Variants in PPP2R5A observed in about 807,000 individuals in gnomAD.
PPP2R5A encodes serine/threonine-protein phosphatase 2A 56 kDa regulatory subunit alpha isoform.
PPP2R5A carries 25 observed loss-of-function variants against 64.2 expected under a neutral mutation model. The observed-to-expected ratio is 0.39, with a 90% confidence interval of 0.28 to 0.54. The LOEUF (loss-of-function observed/expected upper bound fraction) is 0.54. PPP2R5A is among the 20% of genes least tolerant of loss of function. The probability of loss-of-function intolerance (pLI) is 0.67; values close to 1 mark genes in which losing one functional copy is unlikely to be tolerated. For missense variants in PPP2R5A, 425 were observed against 576.3 expected (o/e 0.74, Z 2.69); for synonymous variants, 198 against 201.2 (o/e 0.98, Z 0.13).
At chr1:212,313,967 T>A (rs1459892821) in intron 1 of PPP2R5A, among the ~76,000 whole-genome samples, 2 of 152,228 alleles carry the variant, frequency 1.3e-5, no homozygotes, top group Non-Finnish European at 2.9e-5. Context: ...TTGTATAGAT[T>A]CATTGGGGGA....
chr1:212,286,417 T>G, intron 1 of PPP2R5A, 126 bp downstream of exon 1: 1 of 1,049,860 alleles, frequency 9.5e-7, no homozygotes, highest in Non-Finnish European at 1.3e-6. Context: ...GTGAGCCGAG[T>G]TCCCCACAAT....
intron 8 of PPP2R5A, among the ~76,000 whole-genome samples, chr1:212,354,504 C>T (rs939762548): frequency 6.6e-6 from 1 of 151,834 alleles, no homozygotes; most frequent in African/African-American, 2.4e-5. Flanking sequence ...CAGAGCAAGA[C>T]CTCGTTTCTA....
chr1:212,328,816 T>TGG (rs1659451037), intron 1 of PPP2R5A, among the ~76,000 whole-genome samples: 4 of 152,126 alleles, frequency 2.6e-5, no homozygotes, highest in Non-Finnish European at 4.4e-5. Context: ...ATTAGCTGGA[T>TGG]ATGGTGGCAC....
intron 8 of PPP2R5A, among the ~76,000 whole-genome samples, chr1:212,352,312 A>G (rs1433857420): frequency 1.3e-5 from 2 of 151,448 alleles, no homozygotes; most frequent in African/African-American, 4.9e-5. Context: ...TACAGTTGTA[A>G]GCCACTGCAC....
At chr1:212,360,345 T>C (rs1410976748) in intron 12 of PPP2R5A, among the ~76,000 whole-genome samples, 1 of 152,180 alleles carries the variant, frequency 6.6e-6, no homozygotes, top group Non-Finnish European at 1.5e-5. Context: ...GTGAGAAAAT[T>C]GACGTGTAAG....
In PPP2R5A at chr1:212,347,414, A is replaced by C; in HGVS notation, c.764+8A>C. The C allele has an allele frequency of 6.3e-7, 1 of 1,582,524 alleles. No homozygotes were observed. The highest frequency in any genetic ancestry group is 1.1e-5 in the South Asian group (1 of 88,724). The stretch of plus-strand genomic sequence containing the variant: ...TCTTGAAATATTAGGAAGGTAGGTC[A>C]GGTTTTTTTGTTCTTTTTAAGAATT... On this transcript the variant is annotated splice_region_variant and intron_variant, in intron 6 of 12. Transcript: ENST00000261461.
chr1:212,302,546 A>G (rs1159234063), intron 1 of PPP2R5A, among the ~76,000 whole-genome samples: 1 of 152,182 alleles, frequency 6.6e-6, no homozygotes, highest in Non-Finnish European at 1.5e-5. Context: ...TGTTTTGGGT[A>G]TTTGATTTGA....
At chr1:212,317,468 C>T (rs991311538) in intron 1 of PPP2R5A, among the ~76,000 whole-genome samples, 1 of 145,130 alleles carries the variant, frequency 6.9e-6, no homozygotes, top group Non-Finnish European at 1.5e-5. Flanking sequence ...ACTTCACATA[C>T]TGTAAAGCAG....
intron 1 of PPP2R5A, among the ~76,000 whole-genome samples, chr1:212,319,195 C>T (rs528788101): frequency 6.6e-6 from 1 of 152,332 alleles, no homozygotes; most frequent in South Asian, 2.1e-4. Context: ...GAGCAAACTA[C>T]TGTGTTGTAG....
chr1:212,290,430 A>T (rs1199346738), intron 1 of PPP2R5A, among the ~76,000 whole-genome samples: 1 of 152,218 alleles, frequency 6.6e-6, no homozygotes. Context: ...TCATCTGAAG[A>T]TGTTAAGAAA....
chr1:212,305,062 G>A (rs1212624464), intron 1 of PPP2R5A, among the ~76,000 whole-genome samples: 27 of 119,578 alleles, frequency 2.3e-4, no homozygotes, highest in African/African-American at 3.6e-4. Context: ...TTTTTGAGAC[G>A]GAGTCTCGCT....
In PPP2R5A at chr1:212,286,269, G is replaced by A. The variant is rs750698029; in HGVS notation, c.159G>A (p.Leu53=). 2 of 1,532,210 alleles carry A rather than the reference G, an allele frequency of 1.3e-6. No individual in the cohort carries two copies. Among genetic ancestry groups the A allele is most frequent in the South Asian group, 2.4e-5 (2 of 82,900 alleles). 94.9% of individuals were successfully genotyped at this position (1,532,210 alleles called of 1,614,324 possible). ...GCAGCCAGGGCAGCCAGGCAGAGCT[G>A]CACCCGCTGCCCCAGCTCAAAGGTA... The part of the protein sequence containing the change: ...QFRSQGSQAE[L]HPLPQLKDAT... Residue 53 remains leucine (L), a synonymous_variant, in exon 1 of 13, where the codon CTG becomes CTA. Transcript: ENST00000261461.
At chr1:212,326,165 T>C (rs530435800) in intron 1 of PPP2R5A, among the ~76,000 whole-genome samples, 2 of 152,186 alleles carry the variant, frequency 1.3e-5, no homozygotes, top group African/African-American at 2.4e-5. Context: ...TCACCCCCAA[T>C]AGAATGAATT....
intron 1 of PPP2R5A, among the ~76,000 whole-genome samples, chr1:212,313,455 A>AT (rs562059048): frequency 1.3e-5 from 2 of 151,718 alleles, no homozygotes; most frequent in South Asian, 4.2e-4. Context: ...CTTATCGGTC[A>AT]TTTATGTTTC....
intron 8 of PPP2R5A, among the ~76,000 whole-genome samples, chr1:212,350,789 T>A (rs1018486470): frequency 6.6e-6 from 1 of 151,836 alleles, no homozygotes; most frequent in Admixed American, 6.6e-5. Context: ...ACAAATAAAA[T>A]TTTATTTAAT....
chr1:212,297,852 G>T lies in PPP2R5A; in HGVS notation c.181+11561G>T, dbSNP rs1313076505. ...TTTTTATTTTTATTGATCATTCTTG[G>T]GTGTTTCTCGCAGAGGGGGATTTGG... On this transcript the variant is annotated intron_variant, in intron 1 of 12. Coordinates refer to ENST00000261461, the MANE Select transcript of PPP2R5A (RefSeq NM_006243.4). 4 of 7,864 alleles carry T rather than the reference G, an allele frequency of 5.1e-4. 1 individual carries two copies. In the East Asian group the frequency reaches 7.0e-3, roughly 14 times the overall value. 0.5% of individuals were successfully genotyped at this position (7,864 alleles called of 1,614,324 possible).
At chr1:212,299,814 C>A (rs74607234) in intron 1 of PPP2R5A, among the ~76,000 whole-genome samples, 1 of 141,928 alleles carries the variant, frequency 7.0e-6, no homozygotes, top group Non-Finnish European at 1.5e-5. Flanking sequence ...CTTCATAAGA[C>A]TTTTTTTTTT....
chr1:212,360,855 A>C lies in PPP2R5A; in HGVS notation c.*85A>C, dbSNP rs1660068071. The C allele has an allele frequency of 7.6e-7, 1 of 1,307,632 alleles. No individual in the cohort carries two copies. The highest frequency in any genetic ancestry group is 2.2e-5 in the South Asian group (1 of 46,122). 81.0% of individuals were successfully genotyped at this position (1,307,632 alleles called of 1,614,324 possible). A position where few individuals can be genotyped will look rare whatever the true frequency, so the allele number is the denominator to read the frequency against. On this transcript the variant is annotated 3_prime_UTR_variant, in exon 13 of 13. Coordinates refer to ENST00000261461, the MANE Select transcript of PPP2R5A (RefSeq NM_006243.4). ...TAAAAATTACAAAACAAACCTCATC[A>C]GTATAATATAATTAAAAGGCCAATT...
chr1:212,349,016 A>G (rs912422910), intron 7 of PPP2R5A, among the ~76,000 whole-genome samples, 173 bp from the exon 8 acceptor site: 1 of 152,180 alleles, frequency 6.6e-6, no homozygotes, highest in African/African-American at 2.4e-5. Flanking sequence ...AATTGTGAGT[A>G]TAGTTTCACG....
Sources: allele counts gnomAD v4.1 joint callset (sites outside exome capture counted in the v4.1 genomes callset), GRCh38; gene constraint gnomAD v4.1.1; transcripts MANE v1.5; gene names NCBI Gene and HGNC (gene_info 2026-07-23, HGNC 2026-07-21).